Variants in ELMO1 observed in about 807,000 individuals in gnomAD.
The protein encoded by ELMO1 is engulfment and cell motility protein 1.
Under a neutral mutation model 98.9 loss-of-function variants are expected in ELMO1, and 26 were observed. That is an observed-to-expected ratio of 0.26 (90% CI 0.19 to 0.36). ELMO1 has a LOEUF of 0.36. ELMO1 is among the 10% of genes least tolerant of loss of function. The probability of loss-of-function intolerance (pLI) is 1.00; values close to 1 mark genes in which losing one functional copy is unlikely to be tolerated. For missense variants in ELMO1, 627 were observed against 935.2 expected (o/e 0.67, Z 4.30); for synonymous variants, 346 against 346.0 (o/e 1.00, Z 0.00).
rs192934217 is a variant in ELMO1 at position 37,305,425 on chromosome 7, A to T, written c.192+9425T>A. On this transcript the variant is annotated intron_variant, in intron 4 of 21. Transcript: ENST00000310758. Reference sequence around the variant, plus strand: ...TGTATCTTTTAAGAATTTTTGGTCAATATCCAGCACAGTACAGATAGTGTG... The same window carrying T: ...TGTATCTTTTAAGAATTTTTGGTCATTATCCAGCACAGTACAGATAGTGTG... Among the ~76,000 whole-genome samples, 377 of 148,492 alleles carry T rather than the reference A, an allele frequency of 2.5e-3. 2 individuals are homozygous for T. The highest frequency in any genetic ancestry group is 9.1e-3 in the African/African-American group (366 of 40,216).
At chr7:37,164,701 C>G (rs1789515623) in intron 13 of ELMO1, among the ~76,000 whole-genome samples, 1 of 150,030 alleles carries the variant, frequency 6.7e-6, no homozygotes. Context: ...ATCTATATCT[C>G]TGTTTTGGTA....
intron 13 of ELMO1, among the ~76,000 whole-genome samples, chr7:37,187,745 T>C (rs540677515): frequency 6.6e-6 from 1 of 152,320 alleles, no homozygotes; most frequent in South Asian, 2.1e-4. Flanking sequence ...TGAAATGTGA[T>C]AATTTGACTA....
intron 15 of ELMO1, among the ~76,000 whole-genome samples, chr7:37,060,192 A>G (rs2129212522): frequency 6.6e-6 from 1 of 152,352 alleles, no homozygotes; most frequent in East Asian, 1.9e-4. Context: ...TTAATCATGT[A>G]ATTCCAGCCT....
rs140823420 is a variant in ELMO1, at chr7:36,891,439, T to C, written c.1601+3415A>G. ...AGGATGCAGATTTGCAGGGTAGGTATCAGCTTTATTCCTGGCTTTGTTTTT... is the reference window on the plus strand; with the variant it reads ...AGGATGCAGATTTGCAGGGTAGGTACCAGCTTTATTCCTGGCTTTGTTTTT... On this transcript the variant is annotated intron_variant, in intron 17 of 21. Coordinates refer to ENST00000310758, the MANE Select transcript of ELMO1 (RefSeq NM_014800.11). Among the ~76,000 whole-genome samples the C allele has an allele frequency of 3.9e-5, 6 of 152,244 alleles. No homozygotes were observed. In the South Asian group the frequency reaches 1.2e-3, roughly 32 times the overall value.
chr7:37,148,164 G>A (rs1327853143), intron 13 of ELMO1, among the ~76,000 whole-genome samples: 1 of 152,086 alleles, frequency 6.6e-6, no homozygotes, highest in East Asian at 1.9e-4. Context: ...CCACTACTAC[G>A]CAAGGCACTG....
At chr7:37,440,203 G>A (rs1323103826) in intron 1 of ELMO1, among the ~76,000 whole-genome samples, 2 of 152,088 alleles carry the variant, frequency 1.3e-5, no homozygotes, top group African/African-American at 4.8e-5. Flanking sequence ...CAACACTTTG[G>A]GAGGCCAAGG....
At chr7:37,339,312 T>A (rs1267878280) in intron 2 of ELMO1, among the ~76,000 whole-genome samples, 1 of 152,228 alleles carries the variant, frequency 6.6e-6, no homozygotes, top group East Asian at 1.9e-4. Context: ...TGGATGCTTC[T>A]TGTACACAGT....
At chr7:37,359,508 A>G (rs1448933451) in intron 1 of ELMO1, among the ~76,000 whole-genome samples, 1 of 152,216 alleles carries the variant, frequency 6.6e-6, no homozygotes, top group East Asian at 1.9e-4. Context: ...CAGGTACCCT[A>G]TTAAAGAGTG....
At chr7:37,312,349 A>G (rs146230869) in intron 4 of ELMO1, among the ~76,000 whole-genome samples, 3,331 of 152,328 alleles carry the variant, frequency 0.022, 92 homozygotes, top group East Asian at 0.11. Flanking sequence ...TTGGCCTCCC[A>G]AAGTGCTGGG....
At chr7:37,172,390 T>C (rs1790224068) in intron 13 of ELMO1, among the ~76,000 whole-genome samples, 1 of 152,042 alleles carries the variant, frequency 6.6e-6, no homozygotes, top group Non-Finnish European at 1.5e-5. Context: ...TTACCCTCAA[T>C]ATCTAGGAAA....
chr7:37,387,170 C>T (rs945229579), intron 1 of ELMO1, among the ~76,000 whole-genome samples: 3 of 152,202 alleles, frequency 2.0e-5, no homozygotes, highest in Non-Finnish European at 4.4e-5. Flanking sequence ...ATGGCCCTGG[C>T]CTATCCTGAA....
rs559370964 is a variant in ELMO1 at position 37,211,798 on chromosome 7, TGAGAG to T, written c.955-286_955-282del. 1.2e-3 allele frequency among the ~76,000 whole-genome samples: 185 copies of T among 152,308 alleles called. 2 individuals are homozygous for T. Among genetic ancestry groups the T allele is most frequent in the South Asian group, 4.1e-3 (20 of 4,824 alleles). ...ATTGATAGTCCAGTGCAGTCTTAACTGAGAGGCCCAGATATGATGGAAGGGTCGTG... is the reference window on the plus strand; with the variant it reads ...ATTGATAGTCCAGTGCAGTCTTAACTGCCCAGATATGATGGAAGGGTCGTG... On this transcript the variant is annotated intron_variant, in intron 12 of 21. Transcript: ENST00000310758.
At chr7:37,068,604 G>A (rs372107655) in intron 15 of ELMO1, among the ~76,000 whole-genome samples, 3 of 152,236 alleles carry the variant, frequency 2.0e-5, no homozygotes, top group African/African-American at 7.2e-5. Context: ...TAGGATACAG[G>A]TAACTCAGAA....
intron 13 of ELMO1, among the ~76,000 whole-genome samples, chr7:37,139,013 A>G (rs975784165): frequency 6.6e-6 from 1 of 152,234 alleles, no homozygotes; most frequent in African/African-American, 2.4e-5. Flanking sequence ...TGCATTTGAC[A>G]GAATCCAACA....
chr7:36,867,402 C>T (rs1467044925), intron 20 of ELMO1, among the ~76,000 whole-genome samples: 1 of 152,184 alleles, frequency 6.6e-6, no homozygotes, highest in African/African-American at 2.4e-5. Context: ...ATGGGTGACT[C>T]TCATTTTTTT....
At chr7:37,171,481 C>CT (rs71553100) in intron 13 of ELMO1, among the ~76,000 whole-genome samples, 2,427 of 44,098 alleles carry the variant, frequency 0.055, 390 homozygotes, top group African/African-American at 0.12. Flanking sequence ...CCAGGCCTTT[C>CT]TATTTTTTTT....
rs540899106 is a variant in ELMO1 at position 37,391,679 on chromosome 7, G to A, written c.-73-48916C>T. Among the ~76,000 whole-genome samples, 4 of 152,274 alleles carry A rather than the reference G, an allele frequency of 2.6e-5. No individual in the cohort carries two copies. The East Asian group carries it at 7.7e-4, about 29-fold the overall frequency. On this transcript the variant is annotated intron_variant, in intron 1 of 21. Coordinates refer to ENST00000310758, the MANE Select transcript of ELMO1 (RefSeq NM_014800.11). ...AGCCATCCAGAGACCCCAGTTGGGG[G>A]CCGACTTGCATGCCACATTCCTGAT...
chr7:36,887,721 T>A (rs748323381), intron 17 of ELMO1, 49 bp from the exon 18 acceptor site: 1 of 1,574,794 alleles, frequency 6.4e-7, no homozygotes, highest in East Asian at 2.2e-5. Flanking sequence ...AGAAACAGAG[T>A]GTGGCTTGGT....
intron 5 of ELMO1, 73 bp downstream of exon 5, chr7:37,271,759 T>C: frequency 6.6e-7 from 1 of 1,504,878 alleles, no homozygotes; most frequent in Non-Finnish European, 9.1e-7. Flanking sequence ...CAAAAATTAA[T>C]ATCCCACAAT....
Sources: allele counts gnomAD v4.1 joint callset (sites outside exome capture counted in the v4.1 genomes callset), GRCh38; gene constraint gnomAD v4.1.1; transcripts MANE v1.5; gene names NCBI Gene and HGNC (gene_info 2026-07-23, HGNC 2026-07-21).